RPA3: variants seen among roughly 807,000 people sequenced by gnomAD.
RPA3 encodes the protein replication protein A3, also known as replication protein A 14 kDa subunit.
In RPA3, 24 loss-of-function variants were observed where a neutral mutation model predicts 13.7. The observed-to-expected ratio is 1.75, with a 90% CI of 1.27 to 2.46. RPA3 has a LOEUF of 2.46. RPA3 is among the 30% of genes most tolerant of loss of function. RPA3 has a pLI of 0.00. For missense variants in RPA3, 183 were observed against 151.0 expected (o/e 1.21, Z -1.11); for synonymous variants, 59 against 51.2 (o/e 1.15, Z -0.65).
chr7:7,678,636 A>AGATAAATATATATTTATATATTTAGTT lies in RPA3; in HGVS notation c.-758+7167_-758+7193dup, dbSNP rs1583725680. The stretch of plus-strand genomic sequence containing the variant: ...ATATATATTTATATACTTAATTTAT[A>AGATAAATATATATTTATATATTTAGTT]GATAAATATATATTTATATATTTAG... On this transcript the variant is annotated intron_variant, in intron 4 of 7. Transcript: ENST00000223129. Among the ~76,000 whole-genome samples the AGATAAATATATATTTATATATTTAGTT allele has an allele frequency of 7.4e-5, 4 of 53,972 alleles. No homozygotes were observed. The South Asian group carries it at 2.0e-3, about 27-fold the overall frequency. The allele number at this position is 53,972 out of a possible 152,430, so 35.4% of individuals were successfully genotyped here.
intron 2 of RPA3, among the ~76,000 whole-genome samples, chr7:7,699,775 C>A (rs1377377399): frequency 6.6e-6 from 1 of 152,188 alleles, no homozygotes; most frequent in Non-Finnish European, 1.5e-5. Context: ...TAATGCCTTA[C>A]ACATATTAAG....
At chr7:7,648,331 T>C (rs1785144946) in intron 4 of RPA3, among the ~76,000 whole-genome samples, 1 of 152,266 alleles carries the variant, frequency 6.6e-6, no homozygotes, top group Admixed American at 6.5e-5. Flanking sequence ...GACTTTATAC[T>C]GTGTGGCCCT....
chr7:7,683,866 G>T (rs920676561), intron 4 of RPA3, among the ~76,000 whole-genome samples: 1 of 151,958 alleles, frequency 6.6e-6, no homozygotes, highest in Non-Finnish European at 1.5e-5. Flanking sequence ...CAGGTGATCC[G>T]CCTGCCTTGG....
Position 7,687,220 on chromosome 7 carries a change from C to T in RPA3, c.-927+8G>A, listed in dbSNP as rs1380110499. Reference sequence around the variant, plus strand: ...TACTTGCTGTGTGATTTTGAGCAGGCTACTTACCATTTCAGCCTCATTTTC... The same window carrying T: ...TACTTGCTGTGTGATTTTGAGCAGGTTACTTACCATTTCAGCCTCATTTTC... On this transcript the variant is annotated splice_region_variant and intron_variant, in intron 3 of 7. Coordinates refer to ENST00000223129, the MANE Select transcript of RPA3 (RefSeq NM_002947.5). 1.3e-5 allele frequency: 2 copies of T among 152,130 alleles called. No homozygotes were observed. The allele number at this position is 152,130 out of a possible 1,614,324, so 9.4% of individuals were successfully genotyped here.
In RPA3 at chr7:7,639,076, C is replaced by T; in HGVS notation, c.168G>A (p.Met56Ile). Residue 56 changes from methionine (M) to isoleucine (I), a missense_variant, in exon 6 of 8, where the codon ATG becomes ATA. Transcript: ENST00000223129. ...GEGKNGTIEL[M>I]EPLDEEISGI... The stretch of plus-strand genomic sequence containing the variant: ...TATTAACACTTAAACATACGGGTTC[C>T]ATCAACTCGATGGTTCCATTTTTTC... 1 of 1,610,762 alleles carries T rather than the reference C, an allele frequency of 6.2e-7. No individual in the cohort carries two copies. The highest frequency in any genetic ancestry group is 8.5e-7 in the Non-Finnish European group (1 of 1,178,278).
chr7:7,637,903 T>A lies in RPA3; in HGVS notation c.244A>T (p.Thr82Ser). 1.2e-6 allele frequency: 2 copies of A among 1,613,664 alleles called. No homozygotes were observed. Among genetic ancestry groups the A allele is most frequent in the Non-Finnish European group, 1.7e-6 (2 of 1,179,734 alleles). ...RVTAKATILC[T>S]SYVQFKEDSH... ...TCTTCTTTAAACTGGACATAAGATG[T>A]ACACAAGATGGTGGCCTTGGCGGTT... The change falls in exon 7 of 8, where the codon ACA (threonine) becomes TCA (serine). Residue 82 changes from threonine (T) to serine (S), a missense_variant. Thr to Ser is a moderately conservative substitution (Grantham distance 58). Coordinates refer to ENST00000223129, the MANE Select transcript of RPA3 (RefSeq NM_002947.5).
intron 4 of RPA3, among the ~76,000 whole-genome samples, chr7:7,683,240 T>C (rs1779956637): frequency 6.6e-6 from 1 of 152,190 alleles, no homozygotes; most frequent in African/African-American, 2.4e-5. Flanking sequence ...CTAACCCTTC[T>C]GTGCATTAGG....
chr7:7,674,371 C>G (rs1779686630), intron 4 of RPA3, among the ~76,000 whole-genome samples: 1 of 152,106 alleles, frequency 6.6e-6, no homozygotes, highest in African/African-American at 2.4e-5. Context: ...GGATGTTTCC[C>G]TTAGATTTAA....
chr7:7,678,143 GT>G (rs71010997), intron 4 of RPA3, among the ~76,000 whole-genome samples: 140,177 of 151,766 alleles, frequency 0.92, 64,871 homozygotes, highest in African/African-American at 0.98. Context: ...TCTGTTTTTA[GT>G]TTTTTTGAGG....
rs539492418 is a variant in RPA3, at chr7:7,710,512, C to G, written c.-1028+4663G>C. ...AAATTAAAACCATAATGATAGGTCT[C>G]TACAAACCTGTATCAGAATAGCTAA... On this transcript the variant is annotated intron_variant, in intron 2 of 7. Transcript: ENST00000223129. 3.5e-4 allele frequency among the ~76,000 whole-genome samples: 54 copies of G among 152,258 alleles called. No individual in the cohort carries two copies. The South Asian group carries it at 8.9e-3, about 25-fold the overall frequency.
At chr7:7,650,418 C>T (rs114841616) in intron 4 of RPA3, among the ~76,000 whole-genome samples, 2,800 of 152,194 alleles carry the variant, frequency 0.018, 86 homozygotes, top group African/African-American at 0.064. Flanking sequence ...TTAATTTCTT[C>T]CAAAACTAAT....
intron 4 of RPA3, among the ~76,000 whole-genome samples, chr7:7,672,136 T>A (rs1433353760): frequency 2.6e-5 from 4 of 152,188 alleles, no homozygotes; most frequent in African/African-American, 9.6e-5. Context: ...GGTTTTCTGC[T>A]ATGGGTGAAA....
chr7:7,703,131 C>G (rs1014704302), intron 2 of RPA3, among the ~76,000 whole-genome samples: 1 of 152,180 alleles, frequency 6.6e-6, no homozygotes, highest in Non-Finnish European at 1.5e-5. Flanking sequence ...TAATTGAATA[C>G]AGCTGTAGTT....
intron 4 of RPA3, among the ~76,000 whole-genome samples, chr7:7,653,716 G>A (rs548084448): frequency 6.6e-6 from 1 of 152,356 alleles, no homozygotes; most frequent in East Asian, 1.9e-4. Flanking sequence ...GTGCTGCTGA[G>A]TGGTTAATGT....
intron 4 of RPA3, chr7:7,676,124 T>C: frequency 2.5e-6 from 1 of 398,666 alleles, no homozygotes; most frequent in Admixed American, 4.4e-5. Context: ...GGCTCTCCAG[T>C]GACGTGCTGT....
intron 2 of RPA3, among the ~76,000 whole-genome samples, chr7:7,703,054 C>T (rs1180957026): frequency 2.6e-5 from 4 of 152,182 alleles, no homozygotes; most frequent in Non-Finnish European, 5.9e-5. Flanking sequence ...CTAGTTAGTA[C>T]TACACTGAGT....
intron 4 of RPA3, among the ~76,000 whole-genome samples, chr7:7,644,471 A>G (rs1785051944): frequency 6.6e-6 from 1 of 151,128 alleles, no homozygotes; most frequent in Non-Finnish European, 1.5e-5. Context: ...GATACATCGT[A>G]CTCTTAAAGG....
chr7:7,637,922 G>C lies in RPA3; in HGVS notation c.225C>G (p.Ala75=), dbSNP rs1183346866. The C allele has an allele frequency of 1.2e-6, 2 of 1,613,576 alleles. No homozygotes were observed. Among genetic ancestry groups the C allele is most frequent in the Non-Finnish European group, 1.7e-6 (2 of 1,179,800 alleles). ...GIVEVVGRVT[A]KATILCTSYV... is the part of the protein sequence containing the mutation. ...AAGATGTACACAAGATGGTGGCCTT[G>C]GCGGTTACTCTTCCAACCACTTCCA... is the stretch of plus-strand genomic sequence containing the variant. The change falls in exon 7 of 8, where the codon GCC becomes GCG. Residue 75 remains alanine, a synonymous_variant. Coordinates refer to ENST00000223129, the MANE Select transcript of RPA3 (RefSeq NM_002947.5).
At chr7:7,681,052 T>G (rs1180048160) in intron 4 of RPA3, among the ~76,000 whole-genome samples, 1 of 152,158 alleles carries the variant, frequency 6.6e-6, no homozygotes, top group Non-Finnish European at 1.5e-5. Context: ...GTTTGTGTGT[T>G]TGTTGATGTC....
Sources: gnomAD v4.1 joint callset for allele counts (sites outside exome capture counted in the v4.1 genomes callset) on GRCh38, gnomAD v4.1.1 for gene constraint, MANE v1.5 for transcripts, NCBI Gene and HGNC (gene_info 2026-07-23, HGNC 2026-07-21) for gene names.